Variants in PSCA observed in about 807,000 individuals in gnomAD.
PSCA encodes prostate stem cell antigen.
In PSCA, 7 loss-of-function variants were observed where a neutral mutation model predicts 7.9. The observed-to-expected ratio is 0.89, with a 90% CI of 0.51 to 1.67. The LOEUF (loss-of-function observed/expected upper bound fraction) is 1.67, where lower values mean the gene tolerates loss of function less well. PSCA is among the 40% of genes most tolerant of loss of function. The pLI is 0.00. For missense variants in PSCA, 151 were observed against 147.9 expected (o/e 1.02, Z -0.11); for synonymous variants, 61 against 68.3 (o/e 0.89, Z 0.53).
At chr8:142,671,047 G>C (rs929730580) in intron 1 of PSCA, among the ~76,000 whole-genome samples, 4 of 152,246 alleles carry the variant, frequency 2.6e-5, no homozygotes, top group African/African-American at 9.7e-5. Context: ...ATACAGTATT[G>C]TTTAGGGAAT....
intron 2 of PSCA, 199 bp downstream of exon 2, chr8:142,681,633 C>G (rs889805644): frequency 3.0e-5 from 19 of 623,506 alleles, no homozygotes; most frequent in African/African-American, 2.9e-4. Flanking sequence ...TCATCTGTCC[C>G]TCCCCATCCT....
Position 142,681,410 on chromosome 8 carries a change from G to C in PSCA, c.109G>C (p.Glu37Gln). ...GGTGGAGAACTGCACCCAGCTGGGG[G>C]AGCAGTGCTGGACCGCGCGCATCCG... is the stretch of plus-strand genomic sequence containing the variant. ...LQVENCTQLGEQCWTARIRAV... is the reference protein window; with the variant it reads ...LQVENCTQLGQQCWTARIRAV... The change falls in exon 2 of 3, where the codon GAG (glutamate) becomes CAG (glutamine). Residue 37 changes from glutamate to glutamine, a missense_variant. Glu to Gln is a conservative substitution (Grantham distance 29). Coordinates refer to ENST00000301258, the MANE Select transcript of PSCA (RefSeq NM_005672.5). 1.3e-6 allele frequency: 2 copies of C among 1,592,932 alleles called. No homozygotes were observed. The highest frequency in any genetic ancestry group is 2.3e-5 in the East Asian group (1 of 43,812).
chr8:142,675,382 C>T (rs1847387459), intron 1 of PSCA, among the ~76,000 whole-genome samples: 1 of 152,162 alleles, frequency 6.6e-6, no homozygotes. Flanking sequence ...TTTGTGAGAG[C>T]CAGGAAAAGG....
rs587752316 is a variant in PSCA, at chr8:142,671,929, G to C, written n.261+1361G>C. ...TCCCTTGCTGGTTCCTTACTGACCA[G>C]GCCATTCTTTGGCTCTTTTTGTTCA... is the stretch of plus-strand genomic sequence containing the variant. On this transcript the variant is annotated intron_variant and non_coding_transcript_variant, in intron 1 of 1. Transcript: ENST00000505305. Among the ~76,000 whole-genome samples the C allele has an allele frequency of 9.8e-4, 149 of 152,100 alleles. 1 individual carries two copies. Among genetic ancestry groups the C allele is most frequent in the African/African-American group, 3.5e-3 (144 of 41,484 alleles).
At chr8:142,679,595 T>C (rs904025903), upstream of PSCA, among the ~76,000 whole-genome samples, 3 of 152,198 alleles carry the variant, frequency 2.0e-5, no homozygotes, top group Admixed American at 2.0e-4. Context: ...ATATTGAAGA[T>C]ATACATTGGT....
intron 1 of PSCA, 94 bp downstream of exon 1, chr8:142,680,657 G>A (rs587650273): frequency 2.7e-6 from 4 of 1,467,282 alleles, no homozygotes; most frequent in African/African-American, 2.8e-5. Context: ...AGGAGGGGAA[G>A]GAAGGAGGAA....
rs1554638206 is a variant in PSCA, at chr8:142,680,578, G to A, written c.25+15G>A. The A allele has an allele frequency of 1.9e-6, 3 of 1,553,738 alleles. No homozygotes were observed. Among genetic ancestry groups the A allele is most frequent in the Admixed American group, 3.9e-5 (2 of 51,206 alleles). On this transcript the variant is annotated intron_variant, in intron 1 of 2. Coordinates refer to ENST00000301258, the MANE Select transcript of PSCA (RefSeq NM_005672.5). ...CCTGCAGCCAGGTGAGGCCTTGGCT[G>A]GCCCCCAGCAGGGAAGGGAGCAGGG...
chr8:142,681,553 C>A, intron 2 of PSCA, 119 bp downstream of exon 2: 1 of 829,720 alleles, frequency 1.2e-6, no homozygotes, highest in Non-Finnish European at 1.9e-6. Context: ...ACCCGTCCCG[C>A]ACCTGCACCC....
Position 142,680,854 on chromosome 8 carries a change from C to T in PSCA, c.25+291C>T, listed in dbSNP as rs148154178. 217 of 556,990 alleles carry T rather than the reference C, an allele frequency of 3.9e-4. 1 individual carries two copies. Among genetic ancestry groups the T allele is most frequent in the African/African-American group, 3.8e-3 (203 of 53,306 alleles). 34.5% of individuals were successfully genotyped at this position (556,990 alleles called of 1,614,324 possible). On this transcript the variant is annotated intron_variant, in intron 1 of 2. Transcript: ENST00000301258. ...CCTAGGGGGCAGGTAGACAGACTGA[C>T]GGATGGATGGGCAGAGATGCTGATG...
rs1814666196 is a variant in PSCA at position 142,682,303 on chromosome 8, C to A, written c.*171C>A. On this transcript the variant is annotated 3_prime_UTR_variant, in exon 3 of 3. Transcript: ENST00000301258. ...GTCCCCCACCCTGACCCTCCCATGG[C>A]CCTCTCCAGGACTCCCACCCGGCAG... is the stretch of plus-strand genomic sequence containing the variant. The A allele has an allele frequency of 2.4e-6, 2 of 840,356 alleles. No homozygotes were observed. Among genetic ancestry groups the A allele is most frequent in the African/African-American group, 1.7e-5 (1 of 60,018 alleles). 52.1% of individuals were successfully genotyped at this position (840,356 alleles called of 1,614,324 possible).
Position 142,682,475 on chromosome 8 carries a change from C to T in PSCA, c.*343C>T. On this transcript the variant is annotated 3_prime_UTR_variant, in exon 3 of 3. Coordinates refer to ENST00000301258, the MANE Select transcript of PSCA (RefSeq NM_005672.5). ...CCTTCCCTGCCCACCCCATCTATGA[C>T]TTGAGCCAGGTCTGGTCCGTGGTGT... 2 of 578,856 alleles carry T rather than the reference C, an allele frequency of 3.5e-6. No individual in the cohort carries two copies. The highest frequency in any genetic ancestry group is 6.6e-6 in the Non-Finnish European group (2 of 305,312). 35.9% of individuals were successfully genotyped at this position (578,856 alleles called of 1,614,324 possible).
At position 142,682,002 on chromosome 8, in the gene PSCA, A is replaced by G. The variant is rs1814654698; in HGVS notation, c.215A>G (p.Lys72Arg). 1 of 1,612,786 alleles carries G rather than the reference A, an allele frequency of 6.2e-7. No homozygotes were observed. Among genetic ancestry groups the G allele is most frequent in the Middle Eastern group, 1.6e-4 (1 of 6,062 alleles). ...GACTCACAGGACTACTACGTGGGCA[A>G]GAAGAACATCACGTGCTGTGACACC... ...VDDSQDYYVG[K>R]KNITCCDTDL... The change falls in exon 3 of 3, where the codon AAG becomes AGG. Residue 72 changes from lysine (K) to arginine (R), a missense_variant. By Grantham distance (26) the Lys-to-Arg change is conservative (BLOSUM62 2). Transcript: ENST00000301258.
At chr8:142,680,834 G>A in intron 1 of PSCA, 1 of 577,654 alleles carries the variant, frequency 1.7e-6, no homozygotes, top group Non-Finnish European at 3.1e-6. Flanking sequence ...TGGCTCCTAG[G>A]GGGCAGGTAG....
intron 1 of PSCA, among the ~76,000 whole-genome samples, chr8:142,672,058 A>G (rs1554637421): frequency 6.6e-6 from 1 of 152,126 alleles, no homozygotes; most frequent in Non-Finnish European, 1.5e-5. Flanking sequence ...GCCCCTCCCC[A>G]GAAATCCAGA....
At chr8:142,681,278 G>C in intron 1 of PSCA, 49 bp from the exon 2 acceptor site, 1 of 1,427,204 alleles carries the variant, frequency 7.0e-7, no homozygotes, top group African/African-American at 1.4e-5. Flanking sequence ...CCCATTCCTG[G>C]GGAGTGCTAT....
chr8:142,682,129 C>G lies in PSCA; in HGVS notation c.342C>G (p.Leu114=). 2 of 1,598,386 alleles carry G rather than the reference C, an allele frequency of 1.3e-6. No homozygotes were observed. The highest frequency in any genetic ancestry group is 1.7e-6 in the Non-Finnish European group (2 of 1,178,394). The change falls in exon 3 of 3, where the codon CTC becomes CTG. Residue 114 remains leucine, a synonymous_variant. Transcript: ENST00000301258. The part of the protein sequence containing the change: ...LGLLLWGPGQ[L] The stretch of plus-strand genomic sequence containing the variant: ...TGCTGCTCTGGGGACCCGGCCAGCT[C>G]TAGGCTCTGGGGGGCCCCGCTGCAG...
upstream of PSCA, among the ~76,000 whole-genome samples, chr8:142,677,307 G>A (rs1018349783): frequency 6.6e-6 from 1 of 152,164 alleles, no homozygotes; most frequent in East Asian, 1.9e-4. Context: ...CTGGGGCTGC[G>A]GATTCTGTGG....
intron 2 of PSCA, 90 bp from the exon 3 acceptor site, chr8:142,681,831 T>G: frequency 2.2e-6 from 2 of 901,746 alleles, no homozygotes; most frequent in Non-Finnish European, 3.3e-6. Context: ...CTCTAGAGCA[T>G]TAGGCAGGGT....
rs868950650 is a variant in PSCA, at chr8:142,680,629, C to A, written c.25+66C>A. The stretch of plus-strand genomic sequence containing the variant: ...GTGAGCCGGGGAGGCCAGAGGGATA[C>A]CTGCAGGGCACACGGAGAGGAGGGG... On this transcript the variant is annotated intron_variant, in intron 1 of 2. Coordinates refer to ENST00000301258, the MANE Select transcript of PSCA (RefSeq NM_005672.5). 17 of 1,528,808 alleles carry A rather than the reference C, an allele frequency of 1.1e-5. 1 individual carries two copies. The Middle Eastern group carries it at 5.3e-4, about 48-fold the overall frequency. The allele number at this position is 1,528,808 out of a possible 1,614,324, so 94.7% of individuals were successfully genotyped here. A position where few individuals can be genotyped will look rare whatever the true frequency, so the allele number is the denominator to read the frequency against.
Sources: gnomAD v4.1 joint callset for allele counts (sites outside exome capture counted in the v4.1 genomes callset) on GRCh38, gnomAD v4.1.1 for gene constraint, MANE v1.5 for transcripts, NCBI Gene and HGNC (gene_info 2026-07-23, HGNC 2026-07-21) for gene names.